The following RSPH14 variants were observed in gnomAD, a reference collection of about 807,000 sequenced individuals.
RSPH14 encodes the protein radial spoke head 14 homolog.
RSPH14 carries 20 observed loss-of-function variants against 26.7 expected under a neutral mutation model. The ratio of observed to expected loss-of-function variants is 0.75; its 90% CI spans 0.53 to 1.09. RSPH14 has a LOEUF of 1.09. Among genes scored for constraint, RSPH14 ranks in the 50% least tolerant of loss-of-function variants. The pLI is 0.00. For synonymous variants in RSPH14, 177 were observed against 189.3 expected (o/e 0.93, Z 0.53); for missense variants, 449 against 457.2 (o/e 0.98, Z 0.16).
chr22:23,074,397 G>C (rs1387989712), intron 4 of RSPH14, among the ~76,000 whole-genome samples: 1 of 152,210 alleles, frequency 6.6e-6, no homozygotes, highest in African/African-American at 2.4e-5. Flanking sequence ...TGCAGTTTTG[G>C]TCTGAACCAG....
At chr22:23,108,357 T>C (rs2069545918) in intron 4 of RSPH14, among the ~76,000 whole-genome samples, 1 of 152,138 alleles carries the variant, frequency 6.6e-6, no homozygotes, top group South Asian at 2.1e-4. Context: ...AGGGTTGGGG[T>C]TGTGACTAGG....
At chr22:23,123,504 GC>G in intron 4 of RSPH14, 1 of 957,960 alleles carries the variant, frequency 1.0e-6, no homozygotes, top group Non-Finnish European at 1.6e-6. Flanking sequence ...TGCTAGAGAG[GC>G]CCAATCCAGG....
chr22:23,135,040 G>A (rs150681463), intron 3 of RSPH14, among the ~76,000 whole-genome samples: 74 of 152,200 alleles, frequency 4.9e-4, no homozygotes, highest in African/African-American at 1.7e-3. Context: ...GCATGGTGGT[G>A]TGTGCCTGTG....
chr22:23,100,738 C>T (rs1280036609), intron 4 of RSPH14, among the ~76,000 whole-genome samples: 1 of 152,206 alleles, frequency 6.6e-6, no homozygotes, highest in Admixed American at 6.5e-5. Flanking sequence ...GGGCGGGAGG[C>T]GGTAGGCTTG....
chr22:23,083,358 G>A (rs1212499388), intron 4 of RSPH14, among the ~76,000 whole-genome samples: 1 of 152,144 alleles, frequency 6.6e-6, no homozygotes, highest in African/African-American at 2.4e-5. Flanking sequence ...TGGGTCAGCA[G>A]CGACCTCAGG....
At chr22:23,169,033 A>G in the RSPH14 span, among the ~76,000 whole-genome samples, 3 of 152,138 alleles carry the variant, frequency 2.0e-5, no homozygotes, top group African/African-American at 7.2e-5. Flanking sequence ...AAGGCTGCCA[A>G]TGGTGGCCAG....
At chr22:23,119,819 A>G (rs2069960235) in intron 4 of RSPH14, among the ~76,000 whole-genome samples, 1 of 152,148 alleles carries the variant, frequency 6.6e-6, no homozygotes, top group Admixed American at 6.5e-5. Flanking sequence ...GGGCCCAGCC[A>G]AGAAACAAGA....
chr22:23,070,261 C>A (rs1428762594), intron 4 of RSPH14: 1 of 147,650 alleles, frequency 6.8e-6, no homozygotes, highest in Non-Finnish European at 1.5e-5. Context: ...GCGCGGCACC[C>A]CCCCGCCCGC....
At chr22:23,079,032 C>T (rs935489456) in intron 4 of RSPH14, among the ~76,000 whole-genome samples, 5 of 152,160 alleles carry the variant, frequency 3.3e-5, no homozygotes, top group South Asian at 2.1e-4. Context: ...TCAGTCACTA[C>T]GAGGGCCTGG....
At chr22:23,155,251 C>T in the RSPH14 span, among the ~76,000 whole-genome samples, 6 of 152,148 alleles carry the variant, frequency 3.9e-5, no homozygotes, top group Non-Finnish European at 5.9e-5. Context: ...AACAATTTTC[C>T]GACTCAGCCC....
At chr22:23,062,250 A>G (rs1413350657) in intron 5 of RSPH14, among the ~76,000 whole-genome samples, 1 of 152,226 alleles carries the variant, frequency 6.6e-6, no homozygotes, top group Non-Finnish European at 1.5e-5. Context: ...AGCAGGACCC[A>G]GGGGTGTCAA....
chr22:23,145,534 C>T (rs1486875074), upstream of RSPH14: 2 of 1,602,344 alleles, frequency 1.2e-6, no homozygotes, highest in Non-Finnish European at 1.7e-6. Flanking sequence ...GGAGCCCCAG[C>T]TTTCACAGCC....
chr22:23,101,968 T>C (rs2069314167), intron 4 of RSPH14, among the ~76,000 whole-genome samples: 1 of 152,162 alleles, frequency 6.6e-6, no homozygotes, highest in African/African-American at 2.4e-5. Context: ...CCTGGCTTCC[T>C]CTCTATGGCC....
At position 23,059,595 on chromosome 22, in the gene RSPH14, C is replaced by T; in HGVS notation, c.914G>A (p.Gly305Asp). 2 of 1,613,744 alleles carry T rather than the reference C, an allele frequency of 1.2e-6. No homozygotes were observed. Among genetic ancestry groups the T allele is most frequent in the Non-Finnish European group, 1.7e-6 (2 of 1,179,848 alleles). ...ALTMLAEAPE[G>D]RKALQTHVPT... ...CACGTGCGTCTGCAGGGCCTTGCGG[C>T]CCTCGGGGGCCTCTGCCAGCATGGT... The change falls in exon 7 of 7, where the codon GGC (glycine) becomes GAC (aspartate). Residue 305 changes from glycine (G) to aspartate (D), a missense_variant. Gly to Asp is a moderately conservative substitution (Grantham distance 94). Transcript: ENST00000216036.
At chr22:23,156,054 G>C in the RSPH14 span, 4 of 1,603,660 alleles carry the variant, frequency 2.5e-6, no homozygotes, top group Non-Finnish European at 3.4e-6. Flanking sequence ...GCCACGTCGG[G>C]GCTCAACTGC....
chr22:23,140,102 T>C, intron 2 of RSPH14, 120 bp downstream of exon 2: 1 of 1,259,846 alleles, frequency 7.9e-7, no homozygotes, highest in Non-Finnish European at 1.1e-6. Context: ...ACCGCACCTA[T>C]AGTGGAACTG....
chr22:23,158,131 A>T, the RSPH14 span: 1 of 1,570,226 alleles, frequency 6.4e-7, no homozygotes, highest in African/African-American at 1.4e-5. Flanking sequence ...GTGGACCCTG[A>T]CCCCGTGGTG....
At chr22:23,131,836 G>A (rs761343055) in intron 4 of RSPH14, among the ~76,000 whole-genome samples, 3 of 152,188 alleles carry the variant, frequency 2.0e-5, no homozygotes, top group Non-Finnish European at 2.9e-5. Flanking sequence ...CCCAGAGACT[G>A]CTCCTGGTGG....
chr22:23,176,406 T>A, the RSPH14 span, among the ~76,000 whole-genome samples: 1 of 152,236 alleles, frequency 6.6e-6, no homozygotes, highest in Non-Finnish European at 1.5e-5. Flanking sequence ...GATACACCGC[T>A]TCCTTTCAAT....
Sources: allele counts gnomAD v4.1 joint callset (sites outside exome capture counted in the v4.1 genomes callset), GRCh38; gene constraint gnomAD v4.1.1; transcripts MANE v1.5; gene names NCBI Gene and HGNC (gene_info 2026-07-23, HGNC 2026-07-21).